Variants in WDR17 observed in about 807,000 individuals in gnomAD.
The protein encoded by WDR17 is WD repeat domain 17, also known as WD repeat-containing protein 17.
A neutral mutation model predicts 161.7 loss-of-function variants in WDR17; 143 were observed. The ratio of observed to expected loss-of-function variants is 0.88; its 90% CI spans 0.77 to 1.02. WDR17 has a LOEUF of 1.02. Ranked by LOEUF, WDR17 falls within the 50% of genes least tolerant of loss-of-function variation. The pLI, the probability that WDR17 is intolerant of heterozygous loss-of-function variation, is 0.00. For missense variants in WDR17, 1,469 were observed against 1,520.9 expected (o/e 0.97, Z 0.57); for synonymous variants, 517 against 515.6 (o/e 1.00, Z -0.04).
At chr4:176,090,789 T>G (rs1429493819) in intron 1 of WDR17, among the ~76,000 whole-genome samples, 1 of 152,152 alleles carries the variant, frequency 6.6e-6, no homozygotes, top group Non-Finnish European at 1.5e-5. Flanking sequence ...CCCACATATT[T>G]ATTGACAGCA....
intron 6 of WDR17, among the ~76,000 whole-genome samples, chr4:176,130,684 G>A (rs560463224): frequency 6.6e-6 from 1 of 150,480 alleles, no homozygotes; most frequent in African/African-American, 2.4e-5. Flanking sequence ...GGCGGAGCTT[G>A]CAGTGAGCCG....
chr4:176,130,701 T>C lies in WDR17; in HGVS notation c.914-853T>C, dbSNP rs939103071. 4.7e-4 allele frequency among the ~76,000 whole-genome samples: 68 copies of C among 144,134 alleles called. 1 individual carries two copies. Among genetic ancestry groups the C allele is most frequent in the East Asian group, 1.6e-3 (8 of 4,852 alleles). The allele number at this position is 144,134 out of a possible 152,430, so 94.6% of individuals were successfully genotyped here. On this transcript the variant is annotated intron_variant, in intron 6 of 28. Coordinates refer to ENST00000508596, the MANE Select transcript of WDR17 (RefSeq NM_181265.4). ...CGGAGCTTGCAGTGAGCCGAGATCA[T>C]GCCACAGCACTCCAGCCCGGGCAAC...
At position 176,115,973 on chromosome 4, in the gene WDR17, A is replaced by G. The variant is rs372884756; in HGVS notation, c.301A>G (p.Thr101Ala). ...EQKVIAKLDS[T>A]KGIPASLSWC... ...AAAAGTCATTGCTAAACTCGACAGT[A>G]CAAAAGGTATAATTACAACTGGGAT... is the stretch of plus-strand genomic sequence containing the variant. The change falls in exon 3 of 29, where the codon ACA becomes GCA. Residue 101 changes from threonine to alanine, a missense_variant. Physicochemically the swap from Thr to Ala is moderately conservative, Grantham distance 58 (BLOSUM62 0). Coordinates refer to ENST00000508596, the MANE Select transcript of WDR17 (RefSeq NM_181265.4). 3.1e-6 allele frequency: 5 copies of G among 1,598,558 alleles called. No individual in the cohort carries two copies. The African/African-American group carries it at 6.7e-5, about 22-fold the overall frequency.
intron 6 of WDR17, 118 bp from the exon 7 acceptor site, chr4:176,131,436 T>C (rs1743432443): frequency 1.0e-6 from 1 of 1,003,974 alleles, no homozygotes. Context: ...GGAGAATATA[T>C]GATCATTGCC....
chr4:176,150,100 T>G lies in WDR17; in HGVS notation c.2105T>G (p.Ile702Ser). Residue 702 changes from isoleucine (I) to serine (S), a missense_variant, in exon 15 of 29, where the codon ATT (isoleucine) becomes AGT (serine). Ile to Ser is a moderately radical substitution (Grantham distance 142). Transcript: ENST00000508596. Reference protein sequence around the residue: ...PLLCGKVSRDIRQEIEKLTAN... With the variant: ...PLLCGKVSRDSRQEIEKLTAN... ...CTGTGTGGTAAAGTGTCAAGAGATA[T>G]TAGACAGGAAATAGAAAAACTAACT... The G allele has an allele frequency of 1.2e-6, 2 of 1,614,010 alleles. No individual in the cohort carries two copies. The highest frequency in any genetic ancestry group is 1.7e-6 in the Non-Finnish European group (2 of 1,179,972).
At chr4:176,132,450 G>A (rs1743619074) in intron 7 of WDR17, among the ~76,000 whole-genome samples, 1 of 151,904 alleles carries the variant, frequency 6.6e-6, no homozygotes, top group Non-Finnish European at 1.5e-5. Flanking sequence ...GTTTGAATTA[G>A]ACTAATCTGG....
At chr4:176,173,468 T>C in intron 25 of WDR17, 99 bp downstream of exon 25, 1 of 692,154 alleles carries the variant, frequency 1.4e-6, no homozygotes, top group East Asian at 2.9e-5. Context: ...AGGATTATCT[T>C]GGACAGGTAG....
At chr4:176,144,583 T>C (rs1745865732) in intron 11 of WDR17, among the ~76,000 whole-genome samples, 1 of 152,188 alleles carries the variant, frequency 6.6e-6, no homozygotes, top group African/African-American at 2.4e-5. Context: ...GATATTAATA[T>C]AATATGTTTA....
At chr4:176,068,738 C>T (rs1732842049) in intron 1 of WDR17, among the ~76,000 whole-genome samples, 3 of 152,136 alleles carry the variant, frequency 2.0e-5, no homozygotes, top group Admixed American at 2.0e-4. Flanking sequence ...CAAGACTGTG[C>T]TTTATCCTGT....
At chr4:176,105,696 T>C (rs1216786596) in intron 1 of WDR17, among the ~76,000 whole-genome samples, 1 of 152,118 alleles carries the variant, frequency 6.6e-6, no homozygotes, top group African/African-American at 2.4e-5. Context: ...TACCAAAACT[T>C]ATGGGATGCA....
chr4:176,123,556 C>T (rs1256960151), intron 4 of WDR17, among the ~76,000 whole-genome samples: 2 of 152,104 alleles, frequency 1.3e-5, no homozygotes, highest in Non-Finnish European at 2.9e-5. Context: ...TAGAGTAGCT[C>T]ACAAAACTCA....
chr4:176,163,157 G>T lies in WDR17; in HGVS notation c.2854G>T (p.Ala952Ser), dbSNP rs1404976376. ...CHLAIDNIEL[A>S]MAYLIRGNEL... ...AATTATTTTCTTATTGAGCAAGCTT[G>T]CTATGGCATACCTGATTCGCGGAAA... The change falls in exon 22 of 29, where the codon GCT becomes TCT. Residue 952 changes from alanine (A) to serine (S), a missense_variant. Ala to Ser is a moderately conservative substitution (Grantham distance 99). Transcript: ENST00000508596. 1 of 1,614,114 alleles carries T rather than the reference G, an allele frequency of 6.2e-7. No individual in the cohort carries two copies. The highest frequency in any genetic ancestry group is 8.5e-7 in the Non-Finnish European group (1 of 1,179,994).
intron 22 of WDR17, among the ~76,000 whole-genome samples, chr4:176,163,545 A>C (rs912866721): frequency 1.3e-5 from 2 of 152,166 alleles, no homozygotes; most frequent in Non-Finnish European, 2.9e-5. Flanking sequence ...CAAGCACTTA[A>C]AGTATCATGA....
chr4:176,099,755 T>C (rs1737510113), intron 1 of WDR17, among the ~76,000 whole-genome samples: 1 of 152,080 alleles, frequency 6.6e-6, no homozygotes, highest in South Asian at 2.1e-4. Flanking sequence ...CCTTCACACT[T>C]TGGAGTCTCC....
At chr4:176,107,760 C>G (rs1369053789) in intron 1 of WDR17, among the ~76,000 whole-genome samples, 4 of 152,028 alleles carry the variant, frequency 2.6e-5, no homozygotes, top group Non-Finnish European at 2.9e-5. Flanking sequence ...AATCCCTTAA[C>G]AGATATGTGG....
At chr4:176,179,112 A>T (rs1378444776) in intron 28 of WDR17, among the ~76,000 whole-genome samples, 1 of 152,206 alleles carries the variant, frequency 6.6e-6, no homozygotes, top group Non-Finnish European at 1.5e-5. Context: ...ATTTAAGCCT[A>T]TTACTAGACA....
At chr4:176,089,706 A>G (rs1735874498) in intron 1 of WDR17, among the ~76,000 whole-genome samples, 1 of 152,148 alleles carries the variant, frequency 6.6e-6, no homozygotes, top group African/African-American at 2.4e-5. Flanking sequence ...ATTTCCTCAA[A>G]CAGTGGCAGA....
At chr4:176,122,624 T>C (rs1741786590) in intron 4 of WDR17, among the ~76,000 whole-genome samples, 1 of 152,184 alleles carries the variant, frequency 6.6e-6, no homozygotes, top group African/African-American at 2.4e-5. Context: ...CCAGTATAGC[T>C]AGGCTTCTTA....
intron 22 of WDR17, among the ~76,000 whole-genome samples, chr4:176,168,236 C>G (rs962469917): frequency 6.6e-6 from 1 of 152,090 alleles, no homozygotes; most frequent in Admixed American, 6.6e-5. Flanking sequence ...AAATTATGAA[C>G]TTAACTCAAT....
Sources: gnomAD v4.1 joint callset for allele counts (sites outside exome capture counted in the v4.1 genomes callset) on GRCh38, gnomAD v4.1.1 for gene constraint, MANE v1.5 for transcripts, NCBI Gene and HGNC (gene_info 2026-07-23, HGNC 2026-07-21) for gene names.